NOS1AP: variants seen among roughly 807,000 people sequenced by gnomAD.
NOS1AP encodes carboxyl-terminal PDZ ligand of neuronal nitric oxide synthase protein.
In NOS1AP, 21 loss-of-function variants were observed where a neutral mutation model predicts 56.2. The observed-to-expected ratio is 0.37, with a 90% CI of 0.26 to 0.54. The LOEUF (loss-of-function observed/expected upper bound fraction) is 0.54. NOS1AP is among the 20% of genes least tolerant of loss of function. The pLI is 0.84. For missense variants in NOS1AP, 522 were observed against 657.8 expected (o/e 0.79, Z 2.26); for synonymous variants, 270 against 274.6 (o/e 0.98, Z 0.17).
At chr1:162,111,086 A>G (rs1187529648) in intron 1 of NOS1AP, among the ~76,000 whole-genome samples, 1 of 152,210 alleles carries the variant, frequency 6.6e-6, no homozygotes, top group East Asian at 1.9e-4. Context: ...GACAGTAAAC[A>G]AGATATTTTT....
chr1:162,367,473 G>A lies in NOS1AP; in HGVS notation c.*6G>A, dbSNP rs971583371. ...ATGATGAGATCGCCGTGTAGGTGCC[G>A]AGGGCGAGGAGATGGAGGCGGCGGC... On this transcript the variant is annotated 3_prime_UTR_variant, in exon 10 of 10. Transcript: ENST00000361897. The surrounding 1 kb of genome is among the most constrained non-coding windows in gnomAD (Gnocchi z 6.5). 2.6e-5 allele frequency: 40 copies of A among 1,547,368 alleles called. No homozygotes were observed. The highest frequency in any genetic ancestry group is 3.3e-5 in the Non-Finnish European group (38 of 1,144,324).
At chr1:162,262,960 C>G (rs1368572749) in intron 2 of NOS1AP, among the ~76,000 whole-genome samples, 1 of 152,196 alleles carries the variant, frequency 6.6e-6, no homozygotes, top group Non-Finnish European at 1.5e-5. Context: ...CTAACCCCAC[C>G]TTTCTGCCAG....
chr1:162,367,361 A>G lies in NOS1AP; in HGVS notation c.1415A>G (p.Glu472Gly). ...IASEYESNTD[E>G]SEERDSWSQE... ...TCGGAGTACGAGTCCAACACGGACG[A>G]GAGCGAGGAGCGCGACTCGTGGTCC... The change falls in exon 10 of 10, where the codon GAG (glutamate) becomes GGG (glycine). Residue 472 changes from glutamate to glycine, a missense_variant. Physicochemically the swap from Glu to Gly is moderately conservative, Grantham distance 98 (BLOSUM62 -2). Coordinates refer to ENST00000361897, the MANE Select transcript of NOS1AP (RefSeq NM_014697.3). The surrounding 1 kb of genome is among the most constrained non-coding windows in gnomAD (Gnocchi z 6.5). 1.2e-6 allele frequency: 2 copies of G among 1,612,202 alleles called. No individual in the cohort carries two copies. The highest frequency in any genetic ancestry group is 1.7e-6 in the Non-Finnish European group (2 of 1,179,352).
At chr1:162,193,623 T>A (rs1651712092) in intron 2 of NOS1AP, among the ~76,000 whole-genome samples, 2 of 152,042 alleles carry the variant, frequency 1.3e-5, no homozygotes, top group South Asian at 2.1e-4. Context: ...CAAGAGACTC[T>A]AACTTCTCTT....
At chr1:162,355,041 G>T in intron 6 of NOS1AP, 146 bp from the exon 7 acceptor site, 1 of 854,994 alleles carries the variant, frequency 1.2e-6, no homozygotes, top group Non-Finnish European at 1.9e-6. Flanking sequence ...GCACTTTAAC[G>T]TACTTGAGTG....
At chr1:162,315,482 G>A (rs1349650514) in intron 4 of NOS1AP, among the ~76,000 whole-genome samples, 1 of 152,220 alleles carries the variant, frequency 6.6e-6, no homozygotes, top group East Asian at 1.9e-4. Flanking sequence ...ACACCTCTGA[G>A]ACCACAATCA....
chr1:162,297,084 C>T (rs1271674058), intron 3 of NOS1AP, among the ~76,000 whole-genome samples: 2 of 152,192 alleles, frequency 1.3e-5, no homozygotes, highest in Non-Finnish European at 2.9e-5. Context: ...CAGTCATGGG[C>T]AGATTAGCAC....
intron 1 of NOS1AP, among the ~76,000 whole-genome samples, chr1:162,139,909 C>T (rs1649164457): frequency 6.6e-6 from 1 of 151,996 alleles, no homozygotes; most frequent in South Asian, 2.1e-4. Context: ...CTCACTGCAA[C>T]CTCTGCCTCC....
intron 1 of NOS1AP, among the ~76,000 whole-genome samples, chr1:162,136,917 C>G (rs1174048099): frequency 6.6e-6 from 1 of 152,188 alleles, no homozygotes; most frequent in Non-Finnish European, 1.5e-5. Flanking sequence ...AACCAGAGTG[C>G]AGGTCAGAGT....
At chr1:162,230,416 A>G (rs957551720) in intron 2 of NOS1AP, among the ~76,000 whole-genome samples, 2 of 152,252 alleles carry the variant, frequency 1.3e-5, no homozygotes, top group African/African-American at 4.8e-5. Flanking sequence ...AGAGCAGCTC[A>G]GTCCAATAGA....
At chr1:162,253,076 G>A (rs1396851982) in intron 2 of NOS1AP, among the ~76,000 whole-genome samples, 1 of 152,184 alleles carries the variant, frequency 6.6e-6, no homozygotes. Context: ...TAAGAGGTGA[G>A]ACCTTTAAGA....
At chr1:162,235,409 C>A (rs1210506978) in intron 2 of NOS1AP, among the ~76,000 whole-genome samples, 2 of 152,142 alleles carry the variant, frequency 1.3e-5, no homozygotes, top group African/African-American at 4.8e-5. Context: ...GTAGCATGAG[C>A]CTTTGTTGCC....
chr1:162,314,577 G>A (rs529640524), intron 4 of NOS1AP, among the ~76,000 whole-genome samples: 18 of 152,346 alleles, frequency 1.2e-4, no homozygotes, highest in African/African-American at 4.3e-4. Flanking sequence ...GGGAAAGTGT[G>A]TGCAAAATAA....
At chr1:162,093,227 A>G (rs1422839564) in intron 1 of NOS1AP, among the ~76,000 whole-genome samples, 1 of 152,200 alleles carries the variant, frequency 6.6e-6, no homozygotes, top group Non-Finnish European at 1.5e-5. Context: ...GTGTTAAAAT[A>G]AGAAGGGGAT....
intron 2 of NOS1AP, among the ~76,000 whole-genome samples, chr1:162,197,048 G>T (rs1651832831): frequency 6.6e-6 from 1 of 152,214 alleles, no homozygotes; most frequent in South Asian, 2.1e-4. Context: ...CCATTGTGAA[G>T]ATGAGCCAGT....
chr1:162,090,775 G>C (rs536406833), intron 1 of NOS1AP, among the ~76,000 whole-genome samples: 69 of 151,546 alleles, frequency 4.6e-4, no homozygotes, highest in Non-Finnish European at 9.6e-4. Flanking sequence ...CTTTATTTCT[G>C]AATTTTTCTA....
At chr1:162,356,353 A>G (rs1005265595) in intron 7 of NOS1AP, among the ~76,000 whole-genome samples, 1 of 152,250 alleles carries the variant, frequency 6.6e-6, no homozygotes, top group African/African-American at 2.4e-5. Context: ...TCTTTCATCT[A>G]AGAGGATCTC....
chr1:162,093,713 C>T (rs1205530150), intron 1 of NOS1AP, among the ~76,000 whole-genome samples: 1 of 124,354 alleles, frequency 8.0e-6, no homozygotes, highest in African/African-American at 2.6e-5. Flanking sequence ...CACCACCACC[C>T]TGGCTAACTT....
chr1:162,298,165 C>A (rs1259328781), intron 3 of NOS1AP, among the ~76,000 whole-genome samples: 3 of 152,244 alleles, frequency 2.0e-5, no homozygotes, highest in East Asian at 3.9e-4. Flanking sequence ...AGGCTTCCAC[C>A]CTTGCTGGGC....
Sources: allele counts gnomAD v4.1 joint callset (sites outside exome capture counted in the v4.1 genomes callset), GRCh38; gene constraint gnomAD v4.1.1; non-coding constraint Gnocchi (gnomAD v3.1); transcripts MANE v1.5; gene names NCBI Gene and HGNC (gene_info 2026-07-23, HGNC 2026-07-21).